Variants in RAP1GAP2 observed in about 807,000 individuals in gnomAD.
The protein encoded by RAP1GAP2 is rap1 GTPase-activating protein 2.
RAP1GAP2 carries 27 observed loss-of-function variants against 95.0 expected under a neutral mutation model. That is an observed-to-expected ratio of 0.28 (90% CI 0.21 to 0.39). The LOEUF (loss-of-function observed/expected upper bound fraction) is 0.39, where lower values mean the gene tolerates loss of function less well. Among genes scored for constraint, RAP1GAP2 ranks in the 10% least tolerant of loss-of-function variants. The pLI is 1.00. For synonymous variants in RAP1GAP2, 373 were observed against 380.9 expected (o/e 0.98, Z 0.24); for missense variants, 771 against 970.0 (o/e 0.79, Z 2.72).
At chr17:2,788,344 G>A (rs1455657769) in intron 1 of RAP1GAP2, among the ~76,000 whole-genome samples, 1 of 152,164 alleles carries the variant, frequency 6.6e-6, no homozygotes, top group Non-Finnish European at 1.5e-5. Flanking sequence ...TGCCCAGGCA[G>A]GAGTGCAGTG....
At chr17:2,868,783 T>C (rs914062023) in intron 2 of RAP1GAP2, among the ~76,000 whole-genome samples, 12 of 152,166 alleles carry the variant, frequency 7.9e-5, no homozygotes, top group Non-Finnish European at 1.5e-4. Flanking sequence ...CCTCCCAAAA[T>C]TCTGGGATTA....
chr17:2,997,568 A>G (rs1170501856), intron 13 of RAP1GAP2, among the ~76,000 whole-genome samples: 2 of 152,008 alleles, frequency 1.3e-5, no homozygotes, highest in Non-Finnish European at 2.9e-5. Flanking sequence ...GGTCAGTAAG[A>G]TGCTCGCTAG....
rs987464328 is a variant in RAP1GAP2 at position 2,855,419 on chromosome 17, C to A, written c.81-49865C>A. ...CCTTTTGTAATTAAGAGAGAGCAGA[C>A]CTCCGGCTCCCGGTCCTCTGAGTGG... On this transcript the variant is annotated intron_variant, in intron 2 of 24. Transcript: ENST00000254695. This position sits in a 1 kb window ranked among gnomAD's most constrained non-coding sequence, Gnocchi z 4.3. 6.6e-6 allele frequency among the ~76,000 whole-genome samples: 1 copy of A among 152,170 alleles called. No homozygotes were observed. Among genetic ancestry groups the A allele is most frequent in the South Asian group, 2.1e-4 (1 of 4,832 alleles).
rs952833828 is a variant in RAP1GAP2 at position 2,867,646 on chromosome 17, C to T, written c.81-37638C>T. 4.6e-5 allele frequency among the ~76,000 whole-genome samples: 7 copies of T among 152,156 alleles called. No homozygotes were observed. The highest frequency in any genetic ancestry group is 7.4e-5 in the Non-Finnish European group (5 of 68,024). On this transcript the variant is annotated intron_variant, in intron 2 of 24. Transcript: ENST00000254695. The surrounding 1 kb of genome is among the most constrained non-coding windows in gnomAD (Gnocchi z 4.5). ...CATGAAGTCTAGGTCTTACGCCCAC[C>T]GCTGGTTCCCGGGATGCAGGGACTT...
At chr17:2,767,509 T>A (rs1366658247) in intron 1 of RAP1GAP2, among the ~76,000 whole-genome samples, 2 of 152,048 alleles carry the variant, frequency 1.3e-5, no homozygotes, top group African/African-American at 4.8e-5. Flanking sequence ...TATTAGCTTT[T>A]GTGTCTCCAG....
intron 3 of RAP1GAP2, among the ~76,000 whole-genome samples, chr17:2,908,302 G>C (rs534235180): frequency 1.4e-4 from 21 of 152,266 alleles, no homozygotes; most frequent in Non-Finnish European, 2.6e-4. Flanking sequence ...GCAGGGACCA[G>C]ATCAAGCAGA....
chr17:2,920,639 G>A (rs920345981), intron 3 of RAP1GAP2, among the ~76,000 whole-genome samples: 15 of 152,248 alleles, frequency 9.9e-5, no homozygotes, highest in Admixed American at 2.0e-4. Context: ...TTACTGCAGG[G>A]ATTAAAGGAG....
chr17:2,773,725 CTATTTATTTATTTATTTATTTATT>C (rs58664630), upstream of RAP1GAP2, among the ~76,000 whole-genome samples: 9,243 of 147,964 alleles, frequency 0.062, 364 homozygotes, highest in Non-Finnish European at 0.09. Flanking sequence ...ACAGTAGACA[CTATTTATTTATTTATTTATTTATT>C]TATTTATTTA....
At chr17:2,918,228 G>A (rs2042631466) in intron 3 of RAP1GAP2, among the ~76,000 whole-genome samples, 1 of 151,964 alleles carries the variant, frequency 6.6e-6, no homozygotes, top group African/African-American at 2.4e-5. Flanking sequence ...GAGGTCAGGA[G>A]TTCAAGACCA....
intron 1 of RAP1GAP2, among the ~76,000 whole-genome samples, chr17:2,786,291 A>G (rs557404706): frequency 1.4e-4 from 22 of 152,366 alleles, no homozygotes; most frequent in African/African-American, 5.0e-4. Context: ...CTGGGGCTGG[A>G]ATCCGTGTGT....
At chr17:2,823,758 G>A (rs1339589156) in intron 2 of RAP1GAP2, among the ~76,000 whole-genome samples, 2 of 152,180 alleles carry the variant, frequency 1.3e-5, no homozygotes, top group Admixed American at 6.5e-5. Flanking sequence ...ATAAGGCAGC[G>A]GGAAAGGGTG....
chr17:2,822,627 GTTTTTTTTTTTT>G (rs66503004), intron 2 of RAP1GAP2, among the ~76,000 whole-genome samples: 1 of 127,852 alleles, frequency 7.8e-6, no homozygotes, highest in African/African-American at 2.7e-5. Flanking sequence ...GTTTTTTTTT[GTTTTTTTTTTTT>G]TTTTTTTTTT....
chr17:2,790,881 T>G (rs940186706), intron 1 of RAP1GAP2, among the ~76,000 whole-genome samples: 3 of 152,148 alleles, frequency 2.0e-5, no homozygotes, highest in Non-Finnish European at 4.4e-5. Flanking sequence ...CCAGCCAGCT[T>G]TCTTGGCTCT....
intron 3 of RAP1GAP2, among the ~76,000 whole-genome samples, chr17:2,931,773 C>T (rs904298299): frequency 1.3e-5 from 2 of 152,190 alleles, no homozygotes; most frequent in African/African-American, 4.8e-5. Context: ...TCTTGCAGGT[C>T]AGCCTGAAAT....
intron 1 of RAP1GAP2, among the ~76,000 whole-genome samples, chr17:2,777,991 GGGGAGGCT>G (rs1265953014): frequency 1.0e-3 from 43 of 42,094 alleles, no homozygotes; most frequent in East Asian, 3.8e-3. Context: ...GCTGGGAGGC[GGGGAGGCT>G]GGGAGGCTGG....
chr17:2,921,305 A>G (rs904328382), intron 3 of RAP1GAP2, among the ~76,000 whole-genome samples: 2 of 151,896 alleles, frequency 1.3e-5, no homozygotes, highest in Non-Finnish European at 2.9e-5. Flanking sequence ...GGTTCAAGCA[A>G]TTCTCCTGCC....
rs2072114815 is a variant in RAP1GAP2, at chr17:2,855,923, C to T, written c.81-49361C>T. 6.6e-6 allele frequency among the ~76,000 whole-genome samples: 1 copy of T among 152,184 alleles called. No individual in the cohort carries two copies. Among genetic ancestry groups the T allele is most frequent in the African/African-American group, 2.4e-5 (1 of 41,426 alleles). ...GCCACCGTGCCCGGCTGAAGTGAAT[C>T]TATTTAATAGAAATAGTAGTAATAA... On this transcript the variant is annotated intron_variant, in intron 2 of 24. Coordinates refer to ENST00000254695, the MANE Select transcript of RAP1GAP2 (RefSeq NM_015085.5). This position sits in a 1 kb window ranked among gnomAD's most constrained non-coding sequence, Gnocchi z 4.3.
intron 1 of RAP1GAP2, among the ~76,000 whole-genome samples, chr17:2,765,152 G>C (rs2068249910): frequency 6.6e-6 from 1 of 152,134 alleles, no homozygotes; most frequent in South Asian, 2.1e-4. Flanking sequence ...TGTCCCAAAT[G>C]GAAGTCATAA....
chr17:2,966,972 C>T (rs571943966), intron 8 of RAP1GAP2, among the ~76,000 whole-genome samples: 34 of 152,298 alleles, frequency 2.2e-4, no homozygotes, highest in Admixed American at 1.4e-3. Context: ...GCACGCAACA[C>T]GCACTTTGAT....
Sources: gnomAD v4.1 joint callset for allele counts (sites outside exome capture counted in the v4.1 genomes callset) on GRCh38, gnomAD v4.1.1 for gene constraint, Gnocchi (gnomAD v3.1) non-coding constraint, MANE v1.5 for transcripts, NCBI Gene and HGNC (gene_info 2026-07-23, HGNC 2026-07-21) for gene names.